Variants in SAMD4A observed in about 807,000 individuals in gnomAD.
SAMD4A encodes the protein sterile alpha motif domain containing 4A, also known as protein Smaug homolog 1.
In SAMD4A, 33 loss-of-function variants were observed where a neutral mutation model predicts 81.3. That is an observed-to-expected ratio of 0.41 (90% CI 0.31 to 0.54). SAMD4A has a LOEUF of 0.54. SAMD4A is among the 20% of genes least tolerant of loss of function. The pLI is 0.37. For missense variants in SAMD4A, 854 were observed against 951.1 expected, an observed-to-expected ratio of 0.90 and a Z score of 1.34; for synonymous variants, 389 against 382.1, an observed-to-expected ratio of 1.02 and a Z score of -0.21.
chr14:54,576,280 C>G (rs929318218), intron 2 of SAMD4A, among the ~76,000 whole-genome samples: 2 of 152,124 alleles, frequency 1.3e-5, no homozygotes, highest in Non-Finnish European at 2.9e-5. Context: ...GTGCACCAAA[C>G]ATGTGATTTA....
chr14:54,742,348 G>A (rs555539498), intron 4 of SAMD4A, among the ~76,000 whole-genome samples: 1 of 152,004 alleles, frequency 6.6e-6, no homozygotes, highest in South Asian at 2.1e-4. Context: ...GAATGGGGGG[G>A]GCAGCATGGG....
chr14:54,624,561 C>G (rs1453817136), intron 2 of SAMD4A, among the ~76,000 whole-genome samples: 1 of 152,224 alleles, frequency 6.6e-6, no homozygotes, highest in South Asian at 2.1e-4. Context: ...GATGTGCTGA[C>G]TGAAGTTTGG....
chr14:54,660,109 A>ATTT (rs2035607951), intron 2 of SAMD4A, among the ~76,000 whole-genome samples: 7 of 151,972 alleles, frequency 4.6e-5, no homozygotes, highest in African/African-American at 7.2e-5. Flanking sequence ...CCTTTTGTCA[A>ATTT]TCATCATTCT....
intron 2 of SAMD4A, among the ~76,000 whole-genome samples, chr14:54,622,466 T>G (rs1396541974): frequency 6.6e-6 from 1 of 152,258 alleles, no homozygotes; most frequent in Admixed American, 6.5e-5. Flanking sequence ...AGGCACTGAC[T>G]TGATAAATGT....
intron 2 of SAMD4A, among the ~76,000 whole-genome samples, chr14:54,613,941 G>T (rs1324787081): frequency 6.6e-6 from 1 of 152,224 alleles, no homozygotes; most frequent in Non-Finnish European, 1.5e-5. Context: ...TAGATTCCAT[G>T]TCGCAAGTAA....
intron 2 of SAMD4A, chr14:54,693,502 G>A (rs1035574822): frequency 6.6e-6 from 1 of 152,198 alleles, no homozygotes; most frequent in Admixed American, 6.5e-5. Flanking sequence ...GAGCAACAAA[G>A]CAAGACTCCA....
At chr14:54,777,633 T>C (rs561579696) in intron 11 of SAMD4A, among the ~76,000 whole-genome samples, 6 of 151,940 alleles carry the variant, frequency 3.9e-5, no homozygotes, top group African/African-American at 1.4e-4. Context: ...ACATGGGGGA[T>C]TCCGAGTAGA....
chr14:54,676,427 CA>C, intron 2 of SAMD4A, among the ~76,000 whole-genome samples: 1 of 152,156 alleles, frequency 6.6e-6, no homozygotes, highest in Non-Finnish European at 1.5e-5. Flanking sequence ...GGCTGGAGTG[CA>C]GTGGCACAAT....
chr14:54,747,173 TC>T (rs1259458327), intron 4 of SAMD4A, among the ~76,000 whole-genome samples: 2 of 152,198 alleles, frequency 1.3e-5, no homozygotes, highest in Non-Finnish European at 2.9e-5. Context: ...CTCTTGCTTG[TC>T]ATAGTAGAGT....
chr14:54,689,181 C>T lies in SAMD4A; in HGVS notation c.197-12881C>T, dbSNP rs187135403. 4.8e-3 allele frequency among the ~76,000 whole-genome samples: 733 copies of T among 152,260 alleles called. 8 individuals carry two copies. Among genetic ancestry groups the T allele is most frequent in the African/African-American group, 0.017 (699 of 41,534 alleles). On this transcript the variant is annotated intron_variant, in intron 2 of 12. Coordinates refer to ENST00000554335, the MANE Select transcript of SAMD4A (RefSeq NM_015589.6). ...TCCTGACCTACAGGTGATCCACCCA[C>T]CTCAGCCTCCCAAAGTGCTGGGATT...
intron 2 of SAMD4A, among the ~76,000 whole-genome samples, chr14:54,621,221 C>T (rs74055503): frequency 0.023 from 3,565 of 152,294 alleles, 138 homozygotes; most frequent in African/African-American, 0.082. Context: ...TCAAACATGA[C>T]AATCAGAGAG....
In SAMD4A at chr14:54,604,567, G is replaced by T. The variant is rs78958423; in HGVS notation, c.196+36455G>T. 1.6e-3 allele frequency among the ~76,000 whole-genome samples: 247 copies of T among 152,260 alleles called. 2 individuals carry two copies. Among genetic ancestry groups the T allele is most frequent in the African/African-American group, 5.6e-3 (233 of 41,558 alleles). On this transcript the variant is annotated intron_variant, in intron 2 of 12. Transcript: ENST00000554335. The stretch of plus-strand genomic sequence containing the variant: ...CGTACAATTTTATTCCTGGGACGTC[G>T]TTGGAAAACCATTATATTAGATGAT...
intron 2 of SAMD4A, chr14:54,694,002 G>C (rs1004755646): frequency 6.6e-6 from 1 of 152,608 alleles, no homozygotes; most frequent in African/African-American, 2.4e-5. Flanking sequence ...AGAGGAAGCA[G>C]CAAGTGTGAA....
intron 7 of SAMD4A, among the ~76,000 whole-genome samples, chr14:54,764,102 C>G (rs902415289): frequency 2.0e-5 from 3 of 152,220 alleles, no homozygotes; most frequent in African/African-American, 7.2e-5. Context: ...GTGTCAGGGT[C>G]TTGGATACTT....
At chr14:54,589,569 G>A (rs990393987) in intron 2 of SAMD4A, among the ~76,000 whole-genome samples, 4 of 152,050 alleles carry the variant, frequency 2.6e-5, no homozygotes. Flanking sequence ...ATGTCTTTTG[G>A]GGAGGGAAAA....
intron 3 of SAMD4A, among the ~76,000 whole-genome samples, chr14:54,706,337 G>A (rs1442972965): frequency 6.7e-6 from 1 of 149,482 alleles, no homozygotes; most frequent in Admixed American, 6.7e-5. Context: ...GGCATTGGTG[G>A]CTCACACCTG....
intron 2 of SAMD4A, among the ~76,000 whole-genome samples, chr14:54,592,472 T>G (rs1257239302): frequency 6.6e-6 from 1 of 152,184 alleles, no homozygotes; most frequent in Non-Finnish European, 1.5e-5. Flanking sequence ...TCTTTTTTTG[T>G]TTTTTGATAC....
chr14:54,630,438 G>A (rs1263828427), intron 2 of SAMD4A, among the ~76,000 whole-genome samples: 12 of 152,192 alleles, frequency 7.9e-5, no homozygotes, highest in Non-Finnish European at 1.6e-4. Context: ...GATGGGTGAT[G>A]TTGGCCATCG....
intron 2 of SAMD4A, among the ~76,000 whole-genome samples, chr14:54,600,667 A>G (rs1331202990): frequency 1.3e-5 from 2 of 152,250 alleles, no homozygotes; most frequent in East Asian, 3.8e-4. Flanking sequence ...TTGAAAAATA[A>G]TATGAGTCTT....
Sources: allele counts gnomAD v4.1 joint callset (sites outside exome capture counted in the v4.1 genomes callset), GRCh38; gene constraint gnomAD v4.1.1; transcripts MANE v1.5; gene names NCBI Gene and HGNC (gene_info 2026-07-23, HGNC 2026-07-21).